Variants in PCDHA8 observed in about 807,000 individuals in gnomAD.
The protein encoded by PCDHA8 is protocadherin alpha-8.
PCDHA8 carries 53 observed loss-of-function variants against 61.8 expected under a neutral mutation model. That is an observed-to-expected ratio of 0.86 (90% CI 0.69 to 1.08). The LOEUF (loss-of-function observed/expected upper bound fraction) is 1.08. Among genes scored for constraint, PCDHA8 ranks in the 50% least tolerant of loss-of-function variants. The pLI is 0.00. For synonymous variants in PCDHA8, 618 were observed against 556.6 expected (o/e 1.11, Z -1.55); for missense variants, 1,293 against 1,245.0 (o/e 1.04, Z -0.58).
At chr5:140,967,823 G>A in intron 1 of PCDHA8, 2 of 1,614,162 alleles carry the variant, frequency 1.2e-6, no homozygotes, top group Non-Finnish European at 8.5e-7. Context: ...CAAGGTGCTG[G>A]TGGACATCGT....
intron 1 of PCDHA8, among the ~76,000 whole-genome samples, chr5:140,934,050 C>T (rs558726288): frequency 6.6e-6 from 1 of 151,952 alleles, no homozygotes; most frequent in East Asian, 1.9e-4. Flanking sequence ...TTAGTCTTTC[C>T]AAGGCTAACT....
chr5:140,993,949 T>C (rs1330727166), intron 3 of PCDHA8, among the ~76,000 whole-genome samples: 1 of 152,204 alleles, frequency 6.6e-6, no homozygotes, highest in Non-Finnish European at 1.5e-5. Flanking sequence ...TGTTAAGTGA[T>C]ACATGACTGT....
intron 1 of PCDHA8, chr5:140,868,533 C>T (rs1265642890): frequency 6.6e-6 from 1 of 152,534 alleles, no homozygotes; most frequent in African/African-American, 2.4e-5. Context: ...GAAAGTAAAA[C>T]AATTCAAATT....
chr5:140,928,551 G>T, intron 1 of PCDHA8: 2 of 1,614,164 alleles, frequency 1.2e-6, no homozygotes, highest in Non-Finnish European at 1.7e-6. Context: ...ACAATTATCC[G>T]GTTATCTTGT....
At chr5:141,002,468 C>G (rs369108082) in intron 3 of PCDHA8, among the ~76,000 whole-genome samples, 2 of 152,334 alleles carry the variant, frequency 1.3e-5, no homozygotes, top group Middle Eastern at 3.4e-3. Flanking sequence ...AACGCTTTAG[C>G]ATTTTCAAAG....
At chr5:140,858,241 G>T in intron 1 of PCDHA8, 1 of 1,596,686 alleles carries the variant, frequency 6.3e-7, no homozygotes, top group Non-Finnish European at 8.6e-7. Context: ...GCGCATGTGG[G>T]CCGGTGAAGC....
At chr5:140,848,356 A>G in intron 1 of PCDHA8, 1 of 1,038,310 alleles carries the variant, frequency 9.6e-7, no homozygotes, top group Non-Finnish European at 1.4e-6. Context: ...CCCTTTTCCC[A>G]TGGGAAAGAG....
chr5:140,941,245 TTCTTTCTTTC>T (rs1379125224), intron 1 of PCDHA8, among the ~76,000 whole-genome samples: 44 of 140,720 alleles, frequency 3.1e-4, no homozygotes, highest in Middle Eastern at 3.3e-3. Context: ...CTTTCTTTCT[TTCTTTCTTTC>T]TCTTTCTTTC....
At chr5:140,863,623 T>C (rs782448471) in intron 1 of PCDHA8, 49 of 322,260 alleles carry the variant, frequency 1.5e-4, no homozygotes, top group Non-Finnish European at 1.9e-4. Context: ...CATAGTGACA[T>C]TGATAATGTT....
chr5:140,938,180 A>G (rs913967767), intron 1 of PCDHA8, among the ~76,000 whole-genome samples: 2 of 152,166 alleles, frequency 1.3e-5, no homozygotes, highest in Non-Finnish European at 2.9e-5. Flanking sequence ...TCCTGGGCTC[A>G]AGCAATCCTC....
chr5:140,980,412 A>G (rs1264059417), intron 2 of PCDHA8, among the ~76,000 whole-genome samples: 4 of 152,302 alleles, frequency 2.6e-5, no homozygotes, highest in Non-Finnish European at 5.9e-5. Flanking sequence ...TGGGCAGATC[A>G]TGAGGTCAAG....
chr5:140,948,889 AT>A (rs1263260325), intron 1 of PCDHA8, among the ~76,000 whole-genome samples: 2 of 151,468 alleles, frequency 1.3e-5, no homozygotes, highest in Non-Finnish European at 3.0e-5. Flanking sequence ...TCTCTTTTAG[AT>A]TTTAAGTGGA....
intron 1 of PCDHA8, chr5:140,967,982 G>T (rs1563372383): frequency 1.9e-6 from 3 of 1,614,224 alleles, no homozygotes; most frequent in Non-Finnish European, 2.5e-6. Context: ...GGGTCTGGAG[G>T]CCACACTGCC....
chr5:141,001,910 C>T (rs1365182561), intron 3 of PCDHA8, among the ~76,000 whole-genome samples: 1 of 152,196 alleles, frequency 6.6e-6, no homozygotes, highest in Non-Finnish European at 1.5e-5. Flanking sequence ...TTGAAAAAGA[C>T]TGCAGTGGCT....
At chr5:141,000,080 G>C (rs1554257118) in intron 3 of PCDHA8, among the ~76,000 whole-genome samples, 1 of 152,068 alleles carries the variant, frequency 6.6e-6, no homozygotes, top group Non-Finnish European at 1.5e-5. Flanking sequence ...ACAATGCTAG[G>C]CCTGTGAATG....
chr5:140,928,712 GT>G (rs782592622), intron 1 of PCDHA8: 1 of 1,614,168 alleles, frequency 6.2e-7, no homozygotes, highest in Non-Finnish European at 8.5e-7. Context: ...TCTGACTCTA[GT>G]CTCTTTAGAA....
chr5:140,968,444 A>G (rs781941315), intron 1 of PCDHA8: 1 of 1,614,048 alleles, frequency 6.2e-7, no homozygotes, highest in South Asian at 1.1e-5. Context: ...CCCACCACTG[A>G]GCAGCACTGT....
intron 3 of PCDHA8, among the ~76,000 whole-genome samples, chr5:141,008,057 C>T (rs1472919496): frequency 3.9e-5 from 6 of 152,020 alleles, no homozygotes; most frequent in African/African-American, 1.2e-4. Context: ...GGGGTCCAGT[C>T]CATCTAAGAA....
intron 1 of PCDHA8, among the ~76,000 whole-genome samples, chr5:140,974,630 A>G (rs1252889789): frequency 6.7e-6 from 1 of 149,794 alleles, no homozygotes; most frequent in Non-Finnish European, 1.5e-5. Context: ...TCCTGCCTCA[A>G]CCTCCCGAGT....
Sources: gnomAD v4.1 joint callset for allele counts (sites outside exome capture counted in the v4.1 genomes callset) on GRCh38, gnomAD v4.1.1 for gene constraint, MANE v1.5 for transcripts, NCBI Gene and HGNC (gene_info 2026-07-23, HGNC 2026-07-21) for gene names.